The following TEDC1 variants were observed in gnomAD, a reference collection of about 807,000 sequenced individuals.
TEDC1 encodes the protein tubulin epsilon and delta complex protein 1.
TEDC1 carries 54 observed loss-of-function variants against 59.9 expected under a neutral mutation model. That is an observed-to-expected ratio of 0.90 (90% CI 0.72 to 1.13). The LOEUF (loss-of-function observed/expected upper bound fraction) is 1.13. Among genes scored for constraint, TEDC1 ranks in the 50% most tolerant of loss-of-function variants. TEDC1 has a pLI of 0.00. For synonymous variants in TEDC1, 353 were observed against 298.1 expected (o/e 1.18, Z -1.90); for missense variants, 734 against 683.4 (o/e 1.07, Z -0.83).
At chr14:105,497,759 C>T (rs907111245) in intron 7 of TEDC1, 39 bp from the exon 8 acceptor site, 67 of 1,493,226 alleles carry the variant, frequency 4.5e-5, no homozygotes, top group Non-Finnish European at 5.8e-5. Flanking sequence ...CCTCTGTCCC[C>T]TTGGCTTGGT....
intron 5 of TEDC1, chr14:105,494,159 C>A: frequency 1.7e-6 from 1 of 581,372 alleles, no homozygotes; most frequent in Non-Finnish European, 3.1e-6. Flanking sequence ...CAAATCAAGA[C>A]GTGGCACGGG....
chr14:105,497,415 G>C lies in TEDC1; in HGVS notation c.950G>C (p.Arg317Pro). ...QRLEAVLAWR[R>P]SELVFWRWMD... is the part of the protein sequence containing the mutation. The stretch of plus-strand genomic sequence containing the variant: ...CTGGAGGCTGTCCTGGCGTGGCGGC[G>C]CTCTGAGCTGGTCTTCTGGCGGTGG... The change falls in exon 7 of 9, where the codon CGC (arginine) becomes CCC (proline). Residue 317 changes from arginine (R) to proline (P), a missense_variant. Physicochemically the swap from Arg to Pro is moderately radical, Grantham distance 103. Transcript: ENST00000392523. 1 of 1,550,770 alleles carries C rather than the reference G, an allele frequency of 6.4e-7. No homozygotes were observed.
chr14:105,490,868 G>A, upstream of TEDC1: 1 of 754,002 alleles, frequency 1.3e-6, no homozygotes, highest in Non-Finnish European at 2.2e-6. Context: ...CGGTTGCTAG[G>A]TTGCCAAGGG....
chr14:105,491,809 C>G, intron 2 of TEDC1, 109 bp downstream of exon 2: 1 of 1,267,154 alleles, frequency 7.9e-7, no homozygotes, highest in African/African-American at 1.5e-5. Flanking sequence ...AGCCCCCACC[C>G]AACACTGACC....
At chr14:105,497,539 G>A (rs2084374722) in intron 7 of TEDC1, 96 bp downstream of exon 7, 5 of 1,410,570 alleles carry the variant, frequency 3.5e-6, no homozygotes, top group East Asian at 2.5e-5. Context: ...ACAGGAAGAG[G>A]GGCTTTTAGG....
In TEDC1 at chr14:105,493,941, C is replaced by T. The variant is rs371651798; in HGVS notation, c.684+8C>T. On this transcript the variant is annotated splice_region_variant and intron_variant, in intron 5 of 8. Transcript: ENST00000392523. ...CCAGAGGGAGGCCAGCAGGTGAGGG[C>T]GGGCAAGCTGCTGCGGGGGGGTGGG... 2.2e-4 allele frequency: 158 copies of T among 709,684 alleles called. 1 individual carries two copies. The highest frequency in any genetic ancestry group is 5.0e-4 in the East Asian group (7 of 13,972). 44.0% of individuals were successfully genotyped at this position (709,684 alleles called of 1,614,324 possible). A position where few individuals can be genotyped will look rare whatever the true frequency, so the allele number is the denominator to read the frequency against.
At chr14:105,498,512 G>A (rs2084397394) in intron 8 of TEDC1, 105 bp from the exon 9 acceptor site, 8 of 1,256,038 alleles carry the variant, frequency 6.4e-6, no homozygotes, top group African/African-American at 3.0e-5. Flanking sequence ...GGCGTTTCCC[G>A]CATGCCTGCA....
At chr14:105,490,098 G>A (rs1255313488), upstream of TEDC1, 1 of 152,336 alleles carries the variant, frequency 6.6e-6, no homozygotes, top group East Asian at 1.9e-4. Context: ...ATGCGCCGGA[G>A]GGAAGGAGGC....
intron 5 of TEDC1, 75 bp from the exon 6 acceptor site, chr14:105,495,805 A>G: frequency 2.4e-6 from 3 of 1,233,230 alleles, no homozygotes; most frequent in Non-Finnish European, 3.3e-6. Flanking sequence ...CCTGGAAGTG[A>G]GGCCCCGCCC....
chr14:105,491,276 G>A lies in TEDC1; in HGVS notation c.-100G>A, dbSNP rs1567071656. The A allele has an allele frequency of 1.3e-6, 2 of 1,520,680 alleles. No individual in the cohort carries two copies. The highest frequency in any genetic ancestry group is 1.8e-6 in the Non-Finnish European group (2 of 1,137,282). 94.2% of individuals were successfully genotyped at this position (1,520,680 alleles called of 1,614,324 possible). ...CCAGCCGGAGCGGTAACTGGGCGCA[G>A]GTCCCAGCCGCCGCACTAAACCCGG... On this transcript the variant is annotated 5_prime_UTR_variant, in exon 1 of 9. Coordinates refer to ENST00000392523, the MANE Select transcript of TEDC1 (RefSeq NM_001367178.1).
In TEDC1 at chr14:105,497,975, A is replaced by G; in HGVS notation, c.1156A>G (p.Lys386Glu). 2.0e-6 allele frequency: 3 copies of G among 1,526,050 alleles called. No individual in the cohort carries two copies. The highest frequency in any genetic ancestry group is 2.6e-6 in the Non-Finnish European group (3 of 1,136,722). The allele number at this position is 1,526,050 out of a possible 1,614,324, so 94.5% of individuals were successfully genotyped here. The change falls in exon 8 of 9, where the codon AAG becomes GAG. Residue 386 changes from lysine (K) to glutamate (E), a missense_variant and splice_region_variant. By Grantham distance (56) the Lys-to-Glu change is moderately conservative (BLOSUM62 1). Coordinates refer to ENST00000392523, the MANE Select transcript of TEDC1 (RefSeq NM_001367178.1). ...AERRRAAWEA[K>E]AGGCGRGPEW... ...GCGCAGGCGGGCGGCCTGGGAGGCC[A>G]AGGTGAGTGCCAGCCTCGCTCTGGG...
chr14:105,494,213 C>CT (rs1479283421), intron 5 of TEDC1: 2 of 523,460 alleles, frequency 3.8e-6, no homozygotes, highest in Non-Finnish European at 6.9e-6. Flanking sequence ...AGGCAGCTGG[C>CT]TAAGGGCAGG....
At position 105,495,809 on chromosome 14, in the gene TEDC1, C is replaced by G. The variant is rs1332833347; in HGVS notation, c.685-71C>G. 3 of 1,288,922 alleles carry G rather than the reference C, an allele frequency of 2.3e-6. No homozygotes were observed. In the Admixed American group the frequency reaches 6.7e-5, roughly 29 times the overall value. The allele number at this position is 1,288,922 out of a possible 1,614,324, so 79.8% of individuals were successfully genotyped here. On this transcript the variant is annotated intron_variant, in intron 5 of 8. Transcript: ENST00000392523. ...GGCTGGGGGGGCCTGGAAGTGAGGC[C>G]CCGCCCTCTCCCCGAAGCTGTGTGC... is the stretch of plus-strand genomic sequence containing the variant.
intron 8 of TEDC1, 21 bp from the exon 9 acceptor site, chr14:105,498,596 T>C (rs2141812254): frequency 2.6e-6 from 4 of 1,516,726 alleles, no homozygotes; most frequent in Non-Finnish European, 3.5e-6. Flanking sequence ...GACAGAGCCA[T>C]TGCCATTGTG....
Position 105,491,428 on chromosome 14 carries a change from C to T in TEDC1, c.53C>T (p.Ala18Val). 2 of 1,429,578 alleles carry T rather than the reference C, an allele frequency of 1.4e-6. No individual in the cohort carries two copies. The highest frequency in any genetic ancestry group is 1.8e-6 in the Non-Finnish European group (2 of 1,100,198). 88.6% of individuals were successfully genotyped at this position (1,429,578 alleles called of 1,614,324 possible). The change falls in exon 1 of 9, where the codon GCC (alanine) becomes GTC (valine). Residue 18 changes from alanine (A) to valine (V), a missense_variant. Coordinates refer to ENST00000392523, the MANE Select transcript of TEDC1 (RefSeq NM_001367178.1). The part of the protein sequence containing the change: ...VDPAAGARAG[A>V]LPEAIAALSR... Reference sequence around the variant, plus strand: ...CCCGCGGCTGGGGCCCGGGCCGGGGCCCTGCCTGAGGCCATCGCCGCGTTG... The same window carrying T: ...CCCGCGGCTGGGGCCCGGGCCGGGGTCCTGCCTGAGGCCATCGCCGCGTTG...
rs587644072 is a variant in TEDC1, at chr14:105,499,201, C to T, written c.*255C>T. 2.0e-3 allele frequency: 1,088 copies of T among 557,872 alleles called. 29 individuals are homozygous for T. The South Asian group carries it at 0.024, about 12-fold the overall frequency. The allele number at this position is 557,872 out of a possible 1,614,324, so 34.6% of individuals were successfully genotyped here. A position where few individuals can be genotyped will look rare whatever the true frequency, so the allele number is the denominator to read the frequency against. ...TCAGCCTGGTGGTCTGGAGGGGACT[C>T]GGAAATAAATTGTAGCAGCTTTCCT... On this transcript the variant is annotated 3_prime_UTR_variant, in exon 9 of 9. Transcript: ENST00000392523.
intron 8 of TEDC1, 85 bp from the exon 9 acceptor site, chr14:105,498,532 C>G (rs1403552027): frequency 2.1e-6 from 3 of 1,408,410 alleles, no homozygotes; most frequent in South Asian, 3.0e-5. Flanking sequence ...AGCGCCTGCA[C>G]CTGAGTCTGG....
chr14:105,496,260 CCATGGTGGAGG>C, intron 6 of TEDC1, 174 bp downstream of exon 6: 1 of 678,598 alleles, frequency 1.5e-6, no homozygotes, highest in Non-Finnish European at 2.4e-6. Flanking sequence ...GCGGCCGTAC[CCATGGTGGAGG>C]CCTTTGCTCT....
Position 105,498,804 on chromosome 14 carries a change from C to T in TEDC1, c.1346C>T (p.Ala449Val). The change falls in exon 9 of 9, where the codon GCT becomes GTT. Residue 449 changes from alanine to valine, a missense_variant. Transcript: ENST00000392523. ...GAAGDRDLRA[A>V]VVIRTLRSQE... is the part of the protein sequence containing the mutation. ...GCAGGGGACCGGGACCTGCGGGCAG[C>T]TGTGGTGATCAGGACGCTGAGGAGC... is the stretch of plus-strand genomic sequence containing the variant. The T allele has an allele frequency of 6.3e-7, 1 of 1,595,056 alleles. No homozygotes were observed. The highest frequency in any genetic ancestry group is 1.1e-5 in the South Asian group (1 of 88,044).
Sources: allele counts gnomAD v4.1 joint callset, GRCh38; gene constraint gnomAD v4.1.1; transcripts MANE v1.5; gene names NCBI Gene and HGNC (gene_info 2026-07-23, HGNC 2026-07-21).